MED13L: variants seen among roughly 807,000 people sequenced by gnomAD.
MED13L encodes mediator complex subunit 13L.
Under a neutral mutation model 220.9 loss-of-function variants are expected in MED13L, and 7 were observed. That is an observed-to-expected ratio of 0.03 (90% CI 0.02 to 0.06). The LOEUF is 0.06. MED13L is among the 10% of genes least tolerant of loss of function. The probability of loss-of-function intolerance (pLI) is 1.00; values close to 1 mark genes in which losing one functional copy is unlikely to be tolerated. For synonymous variants in MED13L, 1,011 were observed against 1,015.2 expected, an observed-to-expected ratio of 1.00 and a Z score of 0.08; for missense variants, 1,965 against 2,760.5, an observed-to-expected ratio of 0.71 and a Z score of 6.46.
intron 1 of MED13L, among the ~76,000 whole-genome samples, chr12:116,243,560 T>G (rs1259565072): frequency 6.6e-6 from 1 of 152,180 alleles, no homozygotes; most frequent in East Asian, 1.9e-4. Context: ...AGTGTCCTAT[T>G]CTTCACATAC....
intron 28 of MED13L, among the ~76,000 whole-genome samples, chr12:115,967,858 T>C (rs1313308376): frequency 6.6e-6 from 1 of 152,204 alleles, no homozygotes; most frequent in Non-Finnish European, 1.5e-5. Context: ...GAACAAATTA[T>C]CATTAACTGG....
At chr12:116,036,190 A>G (rs558044523) in intron 4 of MED13L, among the ~76,000 whole-genome samples, 2 of 152,320 alleles carry the variant, frequency 1.3e-5, no homozygotes, top group South Asian at 4.1e-4. Context: ...CCAAAGATTA[A>G]ATTACTTTTC....
chr12:116,258,476 T>C (rs1007916414), intron 1 of MED13L, among the ~76,000 whole-genome samples: 1 of 152,104 alleles, frequency 6.6e-6, no homozygotes, highest in South Asian at 2.1e-4. Context: ...GGAAATTTTA[T>C]TATAAAAAGA....
intron 3 of MED13L, among the ~76,000 whole-genome samples, chr12:116,109,399 G>T (rs1873886536): frequency 6.6e-6 from 1 of 151,786 alleles, no homozygotes; most frequent in South Asian, 2.1e-4. Flanking sequence ...CTCCCTCCCA[G>T]TTTTTCTGCT....
intron 4 of MED13L, among the ~76,000 whole-genome samples, chr12:116,023,282 C>T (rs372993239): frequency 6.6e-6 from 1 of 152,138 alleles, no homozygotes; most frequent in East Asian, 1.9e-4. Flanking sequence ...GACAACAGAG[C>T]AAGACCCCTG....
chr12:115,989,374 A>T (rs1004272261), intron 17 of MED13L, among the ~76,000 whole-genome samples: 1 of 151,918 alleles, frequency 6.6e-6, no homozygotes, highest in Non-Finnish European at 1.5e-5. Flanking sequence ...TGGCTTCCAA[A>T]AGCCCCCTCT....
At position 116,220,469 on chromosome 12, in the gene MED13L, C is replaced by T. The variant is rs1443773884; in HGVS notation, c.310+16999G>A. Among the ~76,000 whole-genome samples, 6 of 152,228 alleles carry T rather than the reference C, an allele frequency of 3.9e-5. No homozygotes were observed. In the South Asian group the frequency reaches 6.2e-4, roughly 16 times the overall value. On this transcript the variant is annotated intron_variant, in intron 2 of 30. Coordinates refer to ENST00000281928, the MANE Select transcript of MED13L (RefSeq NM_015335.5). ...ATCCCAACACTTTGGGAGGCCGAGG[C>T]GGGCAGATCACTTGAGGTCAGAAGT...
chr12:115,997,329 A>T, intron 14 of MED13L, 99 bp from the exon 15 acceptor site: 1 of 890,248 alleles, frequency 1.1e-6, no homozygotes, highest in Non-Finnish European at 1.8e-6. Flanking sequence ...AAATAGTGCT[A>T]ATTAAATGAT....
intron 21 of MED13L, 49 bp from the exon 22 acceptor site, chr12:115,982,652 C>T (rs776252560): frequency 3.3e-5 from 49 of 1,484,540 alleles, no homozygotes; most frequent in Admixed American, 2.6e-4. Context: ...ATAAATTACA[C>T]GAACATGAAA....
chr12:116,033,643 T>G (rs751583859), intron 4 of MED13L, among the ~76,000 whole-genome samples: 7 of 152,188 alleles, frequency 4.6e-5, no homozygotes, highest in Non-Finnish European at 4.4e-5. Context: ...TCATGTCAGT[T>G]TGTGAGTAGT....
At chr12:116,204,368 G>A (rs192353976) in intron 2 of MED13L, among the ~76,000 whole-genome samples, 1 of 152,336 alleles carries the variant, frequency 6.6e-6, no homozygotes, top group East Asian at 1.9e-4. Flanking sequence ...ACTGCTATCA[G>A]CTAGGAGTAG....
chr12:116,151,229 A>G (rs1219899517), intron 2 of MED13L, among the ~76,000 whole-genome samples: 1 of 152,194 alleles, frequency 6.6e-6, no homozygotes, highest in Non-Finnish European at 1.5e-5. Context: ...TGTTATTGAA[A>G]ATAAATGTGT....
chr12:116,274,275 T>G (rs1482875255), intron 1 of MED13L, among the ~76,000 whole-genome samples: 1 of 152,088 alleles, frequency 6.6e-6, no homozygotes, highest in Non-Finnish European at 1.5e-5. Context: ...CACAATCAAC[T>G]TTTGGTAAGC....
At position 115,999,469 on chromosome 12, in the gene MED13L, G is replaced by A. The variant is rs558866000; in HGVS notation, c.2570-2239C>T. Among the ~76,000 whole-genome samples, 4 of 151,790 alleles carry A rather than the reference G, an allele frequency of 2.6e-5. No homozygotes were observed. The South Asian group carries it at 6.2e-4, about 24-fold the overall frequency. ...TAGTCCCTATTCCTCCTCTCAAGCCGAAGAACAGCTACTACAAAACTGTAA... is the reference window on the plus strand; with the variant it reads ...TAGTCCCTATTCCTCCTCTCAAGCCAAAGAACAGCTACTACAAAACTGTAA... On this transcript the variant is annotated intron_variant, in intron 14 of 30. Coordinates refer to ENST00000281928, the MANE Select transcript of MED13L (RefSeq NM_015335.5).
chr12:116,121,896 G>T (rs556751401), intron 2 of MED13L, among the ~76,000 whole-genome samples: 1 of 152,066 alleles, frequency 6.6e-6, no homozygotes. Flanking sequence ...TTATTCAGCC[G>T]TTAAAATTGT....
chr12:116,192,774 T>C (rs553046146), intron 2 of MED13L, among the ~76,000 whole-genome samples: 3 of 152,076 alleles, frequency 2.0e-5, no homozygotes, highest in Non-Finnish European at 4.4e-5. Context: ...ACTGCTTTAG[T>C]TCAGCAGTTC....
intron 4 of MED13L, among the ~76,000 whole-genome samples, chr12:116,094,916 C>A (rs1410876108): frequency 6.6e-6 from 1 of 152,188 alleles, no homozygotes; most frequent in Non-Finnish European, 1.5e-5. Flanking sequence ...CACCTGTAAT[C>A]CCAGAACTTT....
chr12:115,994,459 C>T (rs1400061763), intron 16 of MED13L, among the ~76,000 whole-genome samples: 1 of 151,802 alleles, frequency 6.6e-6, no homozygotes, highest in Non-Finnish European at 1.5e-5. Flanking sequence ...CCAAAAAACC[C>T]CCCCAAAAAA....
At chr12:116,159,149 G>A (rs1878669598) in intron 2 of MED13L, among the ~76,000 whole-genome samples, 1 of 152,106 alleles carries the variant, frequency 6.6e-6, no homozygotes, top group Non-Finnish European at 1.5e-5. Flanking sequence ...GTTAAAGATC[G>A]ACAGTATTCT....
Sources: allele counts gnomAD v4.1 joint callset (sites outside exome capture counted in the v4.1 genomes callset), GRCh38; gene constraint gnomAD v4.1.1; transcripts MANE v1.5; gene names NCBI Gene and HGNC (gene_info 2026-07-23, HGNC 2026-07-21).